The following CSNK1E variants were observed in gnomAD, a reference collection of about 807,000 sequenced individuals.
CSNK1E encodes casein kinase 1 epsilon.
Under a neutral mutation model 46.1 loss-of-function variants are expected in CSNK1E, and 17 were observed. The observed-to-expected ratio is 0.37, with a 90% CI of 0.25 to 0.55. The LOEUF (loss-of-function observed/expected upper bound fraction) is 0.55. Ranked by LOEUF, CSNK1E falls within the 20% of genes least tolerant of loss-of-function variation. The probability of loss-of-function intolerance (pLI) is 0.82; values close to 1 mark genes in which losing one functional copy is unlikely to be tolerated. For synonymous variants in CSNK1E, 241 were observed against 242.6 expected (o/e 0.99, Z 0.06); for missense variants, 386 against 595.4 (o/e 0.65, Z 3.66).
At chr22:38,292,561 C>T (rs1159170805) in intron 10 of CSNK1E, 2 of 152,440 alleles carry the variant, frequency 1.3e-5, no homozygotes, top group South Asian at 4.1e-4. Flanking sequence ...ACAGACCACA[C>T]ACAGATTGTC....
chr22:38,310,468 G>C (rs1318899881), intron 2 of CSNK1E, among the ~76,000 whole-genome samples: 1 of 152,194 alleles, frequency 6.6e-6, no homozygotes, highest in Non-Finnish European at 1.5e-5. Context: ...CCACCGTCCC[G>C]GCAGCAGCAG....
At chr22:38,317,487 C>T (rs1050089487), upstream of CSNK1E, 5 of 141,898 alleles carry the variant, frequency 3.5e-5, no homozygotes, top group African/African-American at 1.3e-4. Flanking sequence ...CCGCTGATGT[C>T]ATCCCCGGCC....
Position 38,294,551 on chromosome 22 carries a change from A to C in CSNK1E, c.886-17T>G, listed in dbSNP as rs2092629950. 11 of 1,568,292 alleles carry C rather than the reference A, an allele frequency of 7.0e-6. No homozygotes were observed. The highest frequency in any genetic ancestry group is 8.6e-6 in the Non-Finnish European group (10 of 1,159,238). On this transcript the variant is annotated splice_polypyrimidine_tract_variant and intron_variant, in intron 7 of 10. Coordinates refer to ENST00000396832, the MANE Select transcript of CSNK1E (RefSeq NM_152221.3). The surrounding 1 kb of genome is among the most constrained non-coding windows in gnomAD (Gnocchi z 5.5). ...GGCTGCACCCTGCAGGGATGCAAGA[A>C]AAGACACCAGTCAGCCCCAGAGGCC...
At chr22:38,297,030 T>C in intron 7 of CSNK1E, 2 of 717,120 alleles carry the variant, frequency 2.8e-6, no homozygotes, top group South Asian at 1.5e-5. Context: ...CTCTATGGCC[T>C]CCCAAAGTGC....
At chr22:38,296,900 A>G (rs2092643749) in intron 7 of CSNK1E, 1 of 623,206 alleles carries the variant, frequency 1.6e-6, no homozygotes, top group Non-Finnish European at 2.8e-6. Flanking sequence ...TCAGCCTCCC[A>G]AGCAGCTGGG....
In CSNK1E at chr22:38,305,488, T is replaced by C. The variant is rs186927746; in HGVS notation, c.77-2240A>G. Reference sequence around the variant, plus strand: ...CAAAAAAAAAAGAATCCCTTCTGCATGGCAAAAACACCGGAAATAAAGTCC... The same window carrying C: ...CAAAAAAAAAAGAATCCCTTCTGCACGGCAAAAACACCGGAAATAAAGTCC... On this transcript the variant is annotated intron_variant, in intron 2 of 10. Transcript: ENST00000396832. Among the ~76,000 whole-genome samples, 530 of 149,236 alleles carry C rather than the reference T, an allele frequency of 3.6e-3. 1 individual carries two copies. The highest frequency in any genetic ancestry group is 0.012 in the African/African-American group (498 of 40,714).
chr22:38,303,943 C>G lies in CSNK1E; in HGVS notation c.77-695G>C, dbSNP rs1445005344. Among the ~76,000 whole-genome samples the G allele has an allele frequency of 6.6e-6, 1 of 152,218 alleles. No homozygotes were observed. Among genetic ancestry groups the G allele is most frequent in the Non-Finnish European group, 1.5e-5 (1 of 68,040 alleles). ...CCTGCACCTCCCCGTCTCCCCCAGT[C>G]CACTCCTGGCTTCTCAAGGGGCTCT... On this transcript the variant is annotated intron_variant, in intron 2 of 10. Coordinates refer to ENST00000396832, the MANE Select transcript of CSNK1E (RefSeq NM_152221.3). This position sits in a 1 kb window ranked among gnomAD's most constrained non-coding sequence, Gnocchi z 4.7.
chr22:38,293,428 TGAG>T, intron 9 of CSNK1E, 109 bp from the exon 10 acceptor site: 1 of 705,890 alleles, frequency 1.4e-6, no homozygotes, highest in African/African-American at 1.7e-5. Flanking sequence ...CTCTCCCCAC[TGAG>T]GAGGTGTACC....
rs2092712779 is a variant in CSNK1E, at chr22:38,309,669, G to A, written c.76+4413C>T. ...GGGGTTTCACCATGTTGGCCGGGCT[G>A]GTCTCAAACTCCTGACCTCAAATGA... On this transcript the variant is annotated intron_variant, in intron 2 of 10. Coordinates refer to ENST00000396832, the MANE Select transcript of CSNK1E (RefSeq NM_152221.3). The surrounding 1 kb of genome is among the most constrained non-coding windows in gnomAD (Gnocchi z 4.8). 6.6e-6 allele frequency among the ~76,000 whole-genome samples: 1 copy of A among 152,128 alleles called. No homozygotes were observed. Among genetic ancestry groups the A allele is most frequent in the African/African-American group, 2.4e-5 (1 of 41,416 alleles).
intron 1 of CSNK1E, 66 bp from the exon 2 acceptor site, chr22:38,314,235 A>G: frequency 7.7e-7 from 1 of 1,296,032 alleles, no homozygotes; most frequent in South Asian, 1.2e-5. Flanking sequence ...CCAGTCCACC[A>G]AGGCCAGGCA....
chr22:38,311,716 T>C (rs75166264), intron 2 of CSNK1E, among the ~76,000 whole-genome samples: 4 of 151,988 alleles, frequency 2.6e-5, no homozygotes, highest in Admixed American at 2.0e-4. Flanking sequence ...CAGAATGATA[T>C]GGTGACTTAC....
chr22:38,295,798 A>C (rs1602541864), intron 7 of CSNK1E, among the ~76,000 whole-genome samples: 1 of 152,034 alleles, frequency 6.6e-6, no homozygotes, highest in East Asian at 1.9e-4. Context: ...CCATCCTCCC[A>C]CCCAGAAGCC....
Position 38,298,039 on chromosome 22 carries a change from C to A in CSNK1E, c.885+747G>T. On this transcript the variant is annotated intron_variant, in intron 7 of 10. Coordinates refer to ENST00000396832, the MANE Select transcript of CSNK1E (RefSeq NM_152221.3). The surrounding 1 kb of genome is among the most constrained non-coding windows in gnomAD (Gnocchi z 4.2). ...AGCACAGCTGAGGCTCAGCCTCTTGCGCTCACTGGTCAAGTGGCAAATTTT... is the reference window on the plus strand; with the variant it reads ...AGCACAGCTGAGGCTCAGCCTCTTGAGCTCACTGGTCAAGTGGCAAATTTT... 1 of 1,173,998 alleles carries A rather than the reference C, an allele frequency of 8.5e-7. No homozygotes were observed. Among genetic ancestry groups the A allele is most frequent in the Non-Finnish European group, 1.1e-6 (1 of 924,660 alleles). The allele number at this position is 1,173,998 out of a possible 1,614,324, so 72.7% of individuals were successfully genotyped here. A position where few individuals can be genotyped will look rare whatever the true frequency, so the allele number is the denominator to read the frequency against.
In CSNK1E at chr22:38,302,947, G is replaced by A. The variant is rs2092680813; in HGVS notation, c.250C>T (p.Leu84=). 1 of 1,614,130 alleles carries A rather than the reference G, an allele frequency of 6.2e-7. No individual in the cohort carries two copies. The highest frequency in any genetic ancestry group is 8.5e-7 in the Non-Finnish European group (1 of 1,180,012). ...EGDYNVMVME[L]LGPSLEDLFN... ...AGGTCCTCGAGGCTAGGCCCCAGCA[G>A]CTCCATGACCATCACGTTGTAGTCG... The change falls in exon 4 of 11, where the codon CTG becomes TTG. Residue 84 remains leucine (L), a synonymous_variant. Transcript: ENST00000396832.
In CSNK1E at chr22:38,303,729, C is replaced by G. The variant is rs750837763; in HGVS notation, c.77-481G>C. On this transcript the variant is annotated intron_variant, in intron 2 of 10. Coordinates refer to ENST00000396832, the MANE Select transcript of CSNK1E (RefSeq NM_152221.3). The surrounding 1 kb of genome is among the most constrained non-coding windows in gnomAD (Gnocchi z 4.7). ...GGGACAGCCGCAGCAACCCCTCAGT[C>G]AATGCTGATGCCTTCAGAGGCAGCC... Among the ~76,000 whole-genome samples, 8 of 152,316 alleles carry G rather than the reference C, an allele frequency of 5.3e-5. No homozygotes were observed. The Middle Eastern group carries it at 0.014, about 259-fold the overall frequency.
At position 38,309,070 on chromosome 22, in the gene CSNK1E, A is replaced by G. The variant is rs2145847427; in HGVS notation, c.76+5012T>C. On this transcript the variant is annotated intron_variant, in intron 2 of 10. Coordinates refer to ENST00000396832, the MANE Select transcript of CSNK1E (RefSeq NM_152221.3). The surrounding 1 kb of genome is among the most constrained non-coding windows in gnomAD (Gnocchi z 4.8). ...TGCCCTGGGCACTGCACAGTCTAAC[A>G]GCACCCATGACTTCTACCCACTAGA... 6.6e-6 allele frequency among the ~76,000 whole-genome samples: 1 copy of G among 152,354 alleles called. No homozygotes were observed. The highest frequency in any genetic ancestry group is 2.1e-4 in the South Asian group (1 of 4,832).
chr22:38,305,894 C>T (rs1025989186), intron 2 of CSNK1E, among the ~76,000 whole-genome samples: 6 of 152,300 alleles, frequency 3.9e-5, no homozygotes, highest in South Asian at 2.1e-4. Context: ...CCAGCAACCC[C>T]GCTTCTGGGA....
chr22:38,297,409 C>T (rs146027991), intron 7 of CSNK1E, among the ~76,000 whole-genome samples: 184 of 152,326 alleles, frequency 1.2e-3, no homozygotes, highest in African/African-American at 4.4e-3. Flanking sequence ...AGAGGCCTCT[C>T]CCTGAGGTCC....
rs2092631968 is a variant in CSNK1E, at chr22:38,294,940, G to A, written c.886-406C>T. On this transcript the variant is annotated intron_variant, in intron 7 of 10. Transcript: ENST00000396832. The surrounding 1 kb of genome is among the most constrained non-coding windows in gnomAD (Gnocchi z 5.5). ...GGTTGCTAAACCGAGCAGGAAAGCT[G>A]TTTAGAGGCCTCTAGCAGACTGGCT... 6.6e-6 allele frequency among the ~76,000 whole-genome samples: 1 copy of A among 152,234 alleles called. No homozygotes were observed. The highest frequency in any genetic ancestry group is 2.1e-4 in the South Asian group (1 of 4,834).
Sources: gnomAD v4.1 joint callset for allele counts (sites outside exome capture counted in the v4.1 genomes callset) on GRCh38, gnomAD v4.1.1 for gene constraint, Gnocchi (gnomAD v3.1) non-coding constraint, MANE v1.5 for transcripts, NCBI Gene and HGNC (gene_info 2026-07-23, HGNC 2026-07-21) for gene names.